Variants in KLHL32 observed in about 807,000 individuals in gnomAD.
KLHL32 encodes kelch like family member 32, also known as kelch-like protein 32.
A neutral mutation model predicts 64.8 loss-of-function variants in KLHL32; 35 were observed. The ratio of observed to expected loss-of-function variants is 0.54; its 90% CI spans 0.41 to 0.72. The LOEUF (loss-of-function observed/expected upper bound fraction) is 0.72. Among genes scored for constraint, KLHL32 ranks in the 30% least tolerant of loss-of-function variants. The probability of loss-of-function intolerance (pLI) is 0.00; values close to 1 mark genes in which losing one functional copy is unlikely to be tolerated. For synonymous variants in KLHL32, 259 were observed against 281.0 expected, an observed-to-expected ratio of 0.92 and a Z score of 0.78; for missense variants, 589 against 768.5, an observed-to-expected ratio of 0.77 and a Z score of 2.76.
At position 97,034,105 on chromosome 6, in the gene KLHL32, C is replaced by A. The variant is rs772188166; in HGVS notation, c.205-7387C>A. On this transcript the variant is annotated intron_variant, in intron 3 of 10. Coordinates refer to ENST00000369261, the MANE Select transcript of KLHL32 (RefSeq NM_052904.4). The stretch of plus-strand genomic sequence containing the variant: ...TTATCCAAAAAATTATTGCTTAGAC[C>A]AATGTCAAGGAGCTTTTCCCCTACA... Among the ~76,000 whole-genome samples, 91 of 148,530 alleles carry A rather than the reference C, an allele frequency of 6.1e-4. 1 individual carries two copies. Among genetic ancestry groups the A allele is most frequent in the South Asian group, 1.7e-3 (8 of 4,786 alleles).
intron 5 of KLHL32, among the ~76,000 whole-genome samples, chr6:97,073,684 A>G (rs1287036123): frequency 6.6e-6 from 1 of 152,176 alleles, no homozygotes; most frequent in African/African-American, 2.4e-5. Flanking sequence ...AAGTTGCATG[A>G]TATCCTATGC....
intron 4 of KLHL32, among the ~76,000 whole-genome samples, chr6:97,055,806 A>AGC (rs370629593): frequency 1.4e-5 from 2 of 145,120 alleles, no homozygotes; most frequent in African/African-American, 5.3e-5. Flanking sequence ...TAAAAAAAAA[A>AGC]AAAAAAAAAA....
chr6:97,018,351 C>A (rs1207386783), intron 3 of KLHL32, among the ~76,000 whole-genome samples: 1 of 151,772 alleles, frequency 6.6e-6, no homozygotes, highest in Non-Finnish European at 1.5e-5. Flanking sequence ...GGCACGGACA[C>A]CAAGGCAGGC....
chr6:96,979,821 C>T (rs1482392212), intron 3 of KLHL32, among the ~76,000 whole-genome samples: 3 of 152,114 alleles, frequency 2.0e-5, no homozygotes. Flanking sequence ...TTGTTGGTAT[C>T]ATCGCTAATT....
intron 3 of KLHL32, among the ~76,000 whole-genome samples, chr6:96,996,001 G>C (rs1778378510): frequency 6.6e-6 from 1 of 152,204 alleles, no homozygotes; most frequent in South Asian, 2.1e-4. Flanking sequence ...GATAGCAAGA[G>C]AAATGAGGGG....
At chr6:96,960,099 G>A (rs62413876) in intron 1 of KLHL32, among the ~76,000 whole-genome samples, 14,995 of 152,166 alleles carry the variant, frequency 0.099, 785 homozygotes, top group Middle Eastern at 0.16. Flanking sequence ...CAGAATAGGG[G>A]TAGTAAATAA....
intron 1 of KLHL32, among the ~76,000 whole-genome samples, chr6:96,962,790 C>G (rs1774017423): frequency 1.3e-5 from 2 of 152,178 alleles, no homozygotes; most frequent in Admixed American, 1.3e-4. Flanking sequence ...AATGAAGAAA[C>G]TGAGTCTTGG....
intron 3 of KLHL32, among the ~76,000 whole-genome samples, chr6:97,022,532 C>T (rs924810835): frequency 2.4e-4 from 35 of 146,402 alleles, no homozygotes; most frequent in Non-Finnish European, 2.5e-4. Flanking sequence ...TGCAGTGGTG[C>T]GATCTCAACT....
intron 5 of KLHL32, among the ~76,000 whole-genome samples, chr6:97,073,565 C>T (rs9398312): frequency 0.36 from 55,164 of 151,870 alleles, 11,090 homozygotes; most frequent in East Asian, 0.45. Context: ...TTGGAAAAGT[C>T]TTTCATCTCT....
At position 97,140,067 on chromosome 6, in the gene KLHL32, T is replaced by C. The variant is rs937150221; in HGVS notation, c.*785T>C. 18 of 152,144 alleles carry C rather than the reference T, an allele frequency of 1.2e-4. No individual in the cohort carries two copies. The highest frequency in any genetic ancestry group is 3.9e-4 in the Admixed American group (6 of 15,274). 9.4% of individuals were successfully genotyped at this position (152,144 alleles called of 1,614,324 possible). A position where few individuals can be genotyped will look rare whatever the true frequency, so the allele number is the denominator to read the frequency against. ...TTTTATTGTCTTTAGAACCTTGTAA[T>C]TGAACAGGGAGATTATTTTTGAAGT... On this transcript the variant is annotated 3_prime_UTR_variant, in exon 11 of 11. Transcript: ENST00000369261.
chr6:97,049,001 A>G lies in KLHL32; in HGVS notation c.312+7402A>G, dbSNP rs142382603. Among the ~76,000 whole-genome samples the G allele has an allele frequency of 9.2e-5, 14 of 152,326 alleles. No homozygotes were observed. In the East Asian group the frequency reaches 2.7e-3, roughly 29 times the overall value. On this transcript the variant is annotated intron_variant, in intron 4 of 10. Transcript: ENST00000369261. The stretch of plus-strand genomic sequence containing the variant: ...AAGTAAAAGGCCCTGAGGCACCTCC[A>G]CTGTGCCTTGCACTCTGGAGGGTAC...
Position 97,041,460 on chromosome 6 carries a change from C to T in KLHL32, c.205-32C>T, listed in dbSNP as rs557489233. 1.2e-5 allele frequency: 18 copies of T among 1,470,212 alleles called. No individual in the cohort carries two copies. The African/African-American group carries it at 2.1e-4, about 17-fold the overall frequency. The allele number at this position is 1,470,212 out of a possible 1,614,324, so 91.1% of individuals were successfully genotyped here. On this transcript the variant is annotated intron_variant, in intron 3 of 10. Transcript: ENST00000369261. Reference sequence around the variant, plus strand: ...TCTTGCTCCCTTGCTGTCAAAGTCTCATAACTGTCTTTCTCCCTTTCCTCA... The same window carrying T: ...TCTTGCTCCCTTGCTGTCAAAGTCTTATAACTGTCTTTCTCCCTTTCCTCA...
chr6:97,011,414 A>G (rs556779633), intron 3 of KLHL32, among the ~76,000 whole-genome samples: 2 of 152,380 alleles, frequency 1.3e-5, no homozygotes, highest in South Asian at 2.1e-4. Context: ...AGTGATGACA[A>G]TTATTAATTA....
intron 4 of KLHL32, among the ~76,000 whole-genome samples, chr6:97,055,759 C>A (rs1582867073): frequency 7.2e-6 from 1 of 139,664 alleles, no homozygotes; most frequent in Admixed American, 7.6e-5. Flanking sequence ...TATCGTGCCC[C>A]TGCACCCCAG....
chr6:97,004,099 T>C (rs952677388), intron 3 of KLHL32, among the ~76,000 whole-genome samples: 3 of 152,256 alleles, frequency 2.0e-5, no homozygotes, highest in African/African-American at 4.8e-5. Context: ...TATTGATTCT[T>C]CCTATTCATG....
intron 5 of KLHL32, among the ~76,000 whole-genome samples, chr6:97,082,583 A>C (rs1168397263): frequency 1.3e-5 from 2 of 151,374 alleles, no homozygotes; most frequent in Non-Finnish European, 2.9e-5. Context: ...ACTGCACTCC[A>C]GCCTTGGGCG....
upstream of KLHL32, among the ~76,000 whole-genome samples, chr6:96,923,574 C>A (rs147914647): frequency 9.9e-5 from 15 of 152,272 alleles, no homozygotes; most frequent in Admixed American, 2.6e-4. Flanking sequence ...ACGAATAAAC[C>A]CCCAAATCCT....
At chr6:97,032,718 A>AAG (rs1346647360) in intron 3 of KLHL32, among the ~76,000 whole-genome samples, 2 of 152,226 alleles carry the variant, frequency 1.3e-5, no homozygotes, top group Non-Finnish European at 2.9e-5. Flanking sequence ...GGGGAATGTT[A>AAG]AAAACTTAAC....
chr6:97,061,818 C>T (rs1788960306), intron 4 of KLHL32, among the ~76,000 whole-genome samples: 1 of 152,142 alleles, frequency 6.6e-6, no homozygotes, highest in Non-Finnish European at 1.5e-5. Context: ...GAGACTTGAC[C>T]TTTGATTTCA....
Sources: gnomAD v4.1 joint callset for allele counts (sites outside exome capture counted in the v4.1 genomes callset) on GRCh38, gnomAD v4.1.1 for gene constraint, MANE v1.5 for transcripts, NCBI Gene and HGNC (gene_info 2026-07-23, HGNC 2026-07-21) for gene names.